TNFAIP8: variants seen among roughly 807,000 people sequenced by gnomAD.
The protein encoded by TNFAIP8 is tumor necrosis factor alpha-induced protein 8.
A neutral mutation model predicts 13.3 loss-of-function variants in TNFAIP8; 7 were observed. The ratio of observed to expected loss-of-function variants is 0.52; its 90% CI spans 0.30 to 0.99. The LOEUF (loss-of-function observed/expected upper bound fraction) is 0.99, where lower values mean the gene tolerates loss of function less well. TNFAIP8 is among the 50% of genes least tolerant of loss of function. The pLI, the probability that TNFAIP8 is intolerant of heterozygous loss-of-function variation, is 0.07. For synonymous variants in TNFAIP8, 94 were observed against 87.6 expected, an observed-to-expected ratio of 1.07 and a Z score of -0.41; for missense variants, 258 against 236.9, an observed-to-expected ratio of 1.09 and a Z score of -0.58.
At chr5:119,300,785 AT>A (rs1749365734) in intron 1 of TNFAIP8, among the ~76,000 whole-genome samples, 1 of 152,002 alleles carries the variant, frequency 6.6e-6, no homozygotes, top group Non-Finnish European at 1.5e-5. Context: ...ATTGGAACAT[AT>A]TTTTCATTAA....
chr5:119,363,178 C>T (rs142542430), intron 1 of TNFAIP8, among the ~76,000 whole-genome samples: 60 of 152,302 alleles, frequency 3.9e-4, no homozygotes, highest in African/African-American at 8.2e-4. Context: ...GCGAGAGCCC[C>T]GTGGAGGCTG....
At chr5:119,341,087 CTTT>C (rs35856054) in intron 1 of TNFAIP8, among the ~76,000 whole-genome samples, 40 of 138,370 alleles carry the variant, frequency 2.9e-4, no homozygotes, top group African/African-American at 2.7e-4. Context: ...TGGTCTCCTG[CTTT>C]TTTTTTTTTT....
At chr5:119,358,185 A>G (rs114037251) in intron 1 of TNFAIP8, among the ~76,000 whole-genome samples, 457 of 152,016 alleles carry the variant, frequency 3.0e-3, no homozygotes, top group African/African-American at 0.011. Flanking sequence ...CTGTATTGCA[A>G]GAAAACTGCC....
intron 1 of TNFAIP8, among the ~76,000 whole-genome samples, chr5:119,275,994 A>G (rs1156654528): frequency 6.6e-6 from 1 of 152,148 alleles, no homozygotes; most frequent in East Asian, 1.9e-4. Context: ...TGAGGCAGAT[A>G]GAGGAGGTTG....
chr5:119,301,447 C>T (rs1749389948), intron 1 of TNFAIP8, among the ~76,000 whole-genome samples: 1 of 152,200 alleles, frequency 6.6e-6, no homozygotes, highest in African/African-American at 2.4e-5. Context: ...TTCTCCAGTC[C>T]TCTCTCAGCA....
At chr5:119,354,623 C>T (rs1400719252), upstream of TNFAIP8, 1 of 152,166 alleles carries the variant, frequency 6.6e-6, no homozygotes, top group African/African-American at 2.4e-5. Flanking sequence ...TCCCTTTGTG[C>T]TTATATTACC....
At chr5:119,336,856 C>G (rs1187917518) in intron 1 of TNFAIP8, among the ~76,000 whole-genome samples, 1 of 152,184 alleles carries the variant, frequency 6.6e-6, no homozygotes, top group East Asian at 1.9e-4. Context: ...AGAATGTGAA[C>G]TCGCCACCAA....
Position 119,304,480 on chromosome 5 carries a change from T to C in TNFAIP8, c.1+35573T>C, listed in dbSNP as rs542307578. Reference sequence around the variant, plus strand: ...AAACTAAACACACAATTCCCTATAATGGTCCCTCAGTGACCCACAGGGAAA... The same window carrying C: ...AAACTAAACACACAATTCCCTATAACGGTCCCTCAGTGACCCACAGGGAAA... On this transcript the variant is annotated intron_variant, in intron 1 of 1. Transcript: ENST00000274456. Among the ~76,000 whole-genome samples, 3 of 152,312 alleles carry C rather than the reference T, an allele frequency of 2.0e-5. No individual in the cohort carries two copies. The East Asian group carries it at 5.8e-4, about 29-fold the overall frequency.
At chr5:119,379,394 G>A (rs547276695) in intron 1 of TNFAIP8, among the ~76,000 whole-genome samples, 1 of 152,174 alleles carries the variant, frequency 6.6e-6, no homozygotes, top group Non-Finnish European at 1.5e-5. Context: ...CAGAAAAGCA[G>A]GTTAGGAGAG....
At chr5:119,383,516 A>G (rs1228688006) in intron 1 of TNFAIP8, among the ~76,000 whole-genome samples, 2 of 152,166 alleles carry the variant, frequency 1.3e-5, no homozygotes, top group African/African-American at 4.8e-5. Context: ...TTTCTCCAGC[A>G]TTTTACCATT....
At chr5:119,325,407 A>T (rs1211843318) in intron 1 of TNFAIP8, among the ~76,000 whole-genome samples, 1 of 151,988 alleles carries the variant, frequency 6.6e-6, no homozygotes, top group Non-Finnish European at 1.5e-5. Context: ...CCTTTGCCTA[A>T]CTCCCAGCTG....
At chr5:119,370,535 A>G (rs1179220048) in intron 1 of TNFAIP8, among the ~76,000 whole-genome samples, 3 of 152,218 alleles carry the variant, frequency 2.0e-5, no homozygotes, top group Non-Finnish European at 4.4e-5. Context: ...TGGGTAATAA[A>G]GGCAAGCTAT....
chr5:119,312,529 A>T (rs977123472), intron 1 of TNFAIP8, among the ~76,000 whole-genome samples: 1 of 152,144 alleles, frequency 6.6e-6, no homozygotes, highest in Non-Finnish European at 1.5e-5. Context: ...TTAATGACAT[A>T]CACCGGGACT....
At chr5:119,282,489 G>T (rs1212148145) in intron 1 of TNFAIP8, among the ~76,000 whole-genome samples, 1 of 152,166 alleles carries the variant, frequency 6.6e-6, no homozygotes, top group African/African-American at 2.4e-5. Flanking sequence ...TTGGTTCTGG[G>T]TTGTCCCATG....
exon 1 of TNFAIP8, chr5:119,268,889 C>T (rs1272804613): frequency 7.1e-6 from 5 of 702,040 alleles, no homozygotes; most frequent in South Asian, 5.9e-5. Context: ...GTCCCGGCGC[C>T]GTCGCGCCAC....
At position 119,311,688 on chromosome 5, in the gene TNFAIP8, C is replaced by CAAAA. The variant is rs55965350; in HGVS notation, c.1+42799_1+42802dup. Among the ~76,000 whole-genome samples the CAAAA allele has an allele frequency of 1.8e-3, 117 of 66,654 alleles. 22 individuals carry two copies. Among genetic ancestry groups the CAAAA allele is most frequent in the African/African-American group, 2.5e-3 (38 of 15,426 alleles). The allele number at this position is 66,654 out of a possible 152,430, so 43.7% of individuals were successfully genotyped here. On this transcript the variant is annotated intron_variant, in intron 1 of 1. Transcript: ENST00000274456. ...TGGGTGACAGAGTGAGACTCCGTCT[C>CAAAA]AAAAAAAAAAAAAAAAAAAAATCAG...
At chr5:119,308,284 C>G (rs942305641) in intron 1 of TNFAIP8, among the ~76,000 whole-genome samples, 3 of 152,122 alleles carry the variant, frequency 2.0e-5, no homozygotes, top group Admixed American at 6.6e-5. Context: ...GAATCTGTAT[C>G]ATTTCCCAAG....
chr5:119,299,997 C>G (rs1264078354), intron 1 of TNFAIP8, among the ~76,000 whole-genome samples: 1 of 152,232 alleles, frequency 6.6e-6, no homozygotes, highest in Non-Finnish European at 1.5e-5. Flanking sequence ...ACCCGATTTT[C>G]CAGGTGCCGT....
intron 1 of TNFAIP8, among the ~76,000 whole-genome samples, chr5:119,379,424 T>A (rs1466922536): frequency 2.6e-5 from 4 of 152,150 alleles, no homozygotes; most frequent in Non-Finnish European, 5.9e-5. Context: ...GGCCATTGGA[T>A]TTGGAAAAGC....
Sources: allele counts gnomAD v4.1 joint callset (sites outside exome capture counted in the v4.1 genomes callset), GRCh38; gene constraint gnomAD v4.1.1; transcripts MANE v1.5; gene names NCBI Gene and HGNC (gene_info 2026-07-23, HGNC 2026-07-21).